The following SND1 variants were observed in gnomAD, a reference collection of about 807,000 sequenced individuals.
The protein encoded by SND1 is staphylococcal nuclease and tudor domain containing 1.
Under a neutral mutation model 121.7 loss-of-function variants are expected in SND1, and 38 were observed. That is an observed-to-expected ratio of 0.31 (90% CI 0.24 to 0.41). SND1 has a LOEUF of 0.41. Ranked by LOEUF, SND1 falls within the 10% of genes least tolerant of loss-of-function variation. The pLI, the probability that SND1 is intolerant of heterozygous loss-of-function variation, is 1.00. For missense variants in SND1, 868 were observed against 1,184.6 expected (o/e 0.73, Z 3.92); for synonymous variants, 401 against 447.4 (o/e 0.90, Z 1.31).
intron 10 of SND1, among the ~76,000 whole-genome samples, chr7:127,731,254 G>A (rs1191627617): frequency 6.6e-6 from 1 of 152,270 alleles, no homozygotes; most frequent in Non-Finnish European, 1.5e-5. Flanking sequence ...GCTCTGCACA[G>A]GAGAATTGGC....
At chr7:128,032,740 C>A (rs1792666031) in intron 16 of SND1, among the ~76,000 whole-genome samples, 1 of 152,026 alleles carries the variant, frequency 6.6e-6, no homozygotes, top group African/African-American at 2.4e-5. Flanking sequence ...GCCGGGGCCA[C>A]GAGGCTCCCA....
intron 12 of SND1, among the ~76,000 whole-genome samples, chr7:127,882,106 T>C (rs1256823198): frequency 8.6e-5 from 13 of 151,644 alleles, no homozygotes; most frequent in Non-Finnish European, 1.9e-4. Context: ...AATTCAAAAA[T>C]GAGCCAAGCA....
At chr7:127,910,584 C>T (rs1240970177) in intron 14 of SND1, among the ~76,000 whole-genome samples, 1 of 152,102 alleles carries the variant, frequency 6.6e-6, no homozygotes, top group African/African-American at 2.4e-5. Flanking sequence ...TTTTCTGGCC[C>T]ACCTAGTTTA....
chr7:127,696,241 A>G (rs1344061065), intron 3 of SND1, among the ~76,000 whole-genome samples: 2 of 152,200 alleles, frequency 1.3e-5, no homozygotes, highest in African/African-American at 2.4e-5. Flanking sequence ...TCTGTTTTTA[A>G]TGATAGAGGT....
chr7:128,041,299 A>G (rs1792849682), intron 16 of SND1, among the ~76,000 whole-genome samples: 1 of 152,152 alleles, frequency 6.6e-6, no homozygotes, highest in Non-Finnish European at 1.5e-5. Context: ...AATTTAAAAA[A>G]TAAGAGGTGG....
intron 10 of SND1, among the ~76,000 whole-genome samples, chr7:127,747,103 C>A (rs1219523698): frequency 1.3e-5 from 2 of 152,082 alleles, no homozygotes; most frequent in Non-Finnish European, 2.9e-5. Context: ...GAGGTTGTTG[C>A]TTGGGTGGAA....
chr7:128,029,942 G>A lies in SND1; in HGVS notation c.1779+38886G>A, dbSNP rs750383119. 1.2e-6 allele frequency: 2 copies of A among 1,613,188 alleles called. No individual in the cohort carries two copies. The highest frequency in any genetic ancestry group is 1.1e-5 in the South Asian group (1 of 91,080). ...TCAGGCCATGGAAGGAGCCAGGCCT[G>A]ATCTCAGGGAAGTGGTTCCCTGACA... On this transcript the variant is annotated intron_variant, in intron 16 of 23. Transcript: ENST00000354725. The surrounding 1 kb of genome is among the most constrained non-coding windows in gnomAD (Gnocchi z 4.2).
chr7:127,753,912 T>C (rs1797148094), intron 10 of SND1, among the ~76,000 whole-genome samples: 1 of 152,172 alleles, frequency 6.6e-6, no homozygotes, highest in African/African-American at 2.4e-5. Context: ...GGAAGTAAGA[T>C]TTCAACACCT....
intron 16 of SND1, among the ~76,000 whole-genome samples, chr7:128,044,846 T>G (rs1328634859): frequency 6.6e-6 from 1 of 152,226 alleles, no homozygotes; most frequent in East Asian, 1.9e-4. Context: ...GTTTCTGTAC[T>G]GATGGATCGT....
intron 10 of SND1, among the ~76,000 whole-genome samples, chr7:127,798,027 A>G (rs1798057346): frequency 6.6e-6 from 1 of 152,228 alleles, no homozygotes; most frequent in African/African-American, 2.4e-5. Flanking sequence ...GTAATTGAGT[A>G]GAAGAACACT....
At chr7:128,027,780 AT>A (rs1803520588) in intron 16 of SND1, 2 of 152,174 alleles carry the variant, frequency 1.3e-5, no homozygotes, top group East Asian at 3.8e-4. Context: ...CTGTGAATAC[AT>A]TCTCTCTGCT....
intron 16 of SND1, among the ~76,000 whole-genome samples, chr7:128,071,009 T>C (rs955515264): frequency 1.3e-5 from 2 of 152,206 alleles, no homozygotes; most frequent in African/African-American, 4.8e-5. Context: ...TAAACAAGTG[T>C]CCTTCTCACA....
At chr7:127,787,181 T>G (rs1439042633) in intron 10 of SND1, among the ~76,000 whole-genome samples, 2 of 152,166 alleles carry the variant, frequency 1.3e-5, no homozygotes, top group African/African-American at 4.8e-5. Context: ...TGGCACACCT[T>G]TTCTTCTGTC....
chr7:127,663,882 C>G (rs1587577757), intron 1 of SND1, among the ~76,000 whole-genome samples: 1 of 152,160 alleles, frequency 6.6e-6, no homozygotes, highest in African/African-American at 2.4e-5. Flanking sequence ...TGAGAGAAGT[C>G]TGACTTTTTT....
intron 16 of SND1, among the ~76,000 whole-genome samples, chr7:128,016,627 A>G (rs1440805251): frequency 6.6e-6 from 1 of 152,222 alleles, no homozygotes; most frequent in Non-Finnish European, 1.5e-5. Flanking sequence ...TAAGGAAGAA[A>G]GCTCCTTTAC....
intron 10 of SND1, among the ~76,000 whole-genome samples, chr7:127,773,410 C>T (rs1268086527): frequency 2.0e-5 from 3 of 151,686 alleles, no homozygotes; most frequent in African/African-American, 4.9e-5. Flanking sequence ...TGAGATTGTG[C>T]CACTGCACTC....
chr7:127,977,215 A>G (rs1429471300), intron 15 of SND1, among the ~76,000 whole-genome samples: 1 of 152,224 alleles, frequency 6.6e-6, no homozygotes, highest in East Asian at 1.9e-4. Context: ...CTAGAAAGAT[A>G]TTTTCAGTTT....
chr7:127,906,666 C>G (rs539373983), intron 14 of SND1, among the ~76,000 whole-genome samples: 2 of 152,206 alleles, frequency 1.3e-5, no homozygotes, highest in East Asian at 3.9e-4. Context: ...TTGGGCCCAC[C>G]TGAGTTCATT....
chr7:127,749,561 A>C (rs760300318), intron 10 of SND1, among the ~76,000 whole-genome samples: 3 of 152,204 alleles, frequency 2.0e-5, no homozygotes, highest in Non-Finnish European at 4.4e-5. Flanking sequence ...AAAGGAAGGA[A>C]AAGATACAAG....
Sources: gnomAD v4.1 joint callset for allele counts (sites outside exome capture counted in the v4.1 genomes callset) on GRCh38, gnomAD v4.1.1 for gene constraint, Gnocchi (gnomAD v3.1) non-coding constraint, MANE v1.5 for transcripts, NCBI Gene and HGNC (gene_info 2026-07-23, HGNC 2026-07-21) for gene names.